UBAC1: variants seen among roughly 807,000 people sequenced by gnomAD.
UBAC1 encodes the protein ubiquitin-associated domain-containing protein 1.
Under a neutral mutation model 45.9 loss-of-function variants are expected in UBAC1, and 27 were observed. That is an observed-to-expected ratio of 0.59 (90% CI 0.43 to 0.81). The LOEUF is 0.81. UBAC1 is among the 30% of genes least tolerant of loss of function. The probability of loss-of-function intolerance (pLI) is 0.00; values close to 1 mark genes in which losing one functional copy is unlikely to be tolerated. For synonymous variants in UBAC1, 227 were observed against 215.5 expected (o/e 1.05, Z -0.47); for missense variants, 529 against 539.2 (o/e 0.98, Z 0.19).
At chr9:135,954,028 A>G (rs1293585997) in intron 2 of UBAC1, 1 of 192,164 alleles carries the variant, frequency 5.2e-6, no homozygotes, top group Non-Finnish European at 1.1e-5. Context: ...AATCCCAGCT[A>G]CTGGGGAGGC....
chr9:135,944,934 A>G (rs1301110967), intron 7 of UBAC1, 94 bp downstream of exon 7: 49 of 1,291,690 alleles, frequency 3.8e-5, no homozygotes, highest in Non-Finnish European at 4.8e-5. Context: ...AGCTCAGCCC[A>G]AGGTCAGCCA....
Position 135,953,710 on chromosome 9 carries a change from G to A in UBAC1, c.303C>T (p.Pro101=), listed in dbSNP as rs771048282. Reference sequence around the variant, plus strand: ...CTTCTGCTGAGACATCAGCCATCTTGGGAAGTGGTGATGGAGCACGCTTTT... The same window carrying A: ...CTTCTGCTGAGACATCAGCCATCTTAGGAAGTGGTGATGGAGCACGCTTTT... The part of the protein sequence containing the change: ...LIKKRAPSPL[P]KMADVSAEEK... The change falls in exon 3 of 10, where the codon CCC becomes CCT. Residue 101 remains proline, a synonymous_variant. Coordinates refer to ENST00000371756, the MANE Select transcript of UBAC1 (RefSeq NM_016172.3). 9 of 1,613,952 alleles carry A rather than the reference G, an allele frequency of 5.6e-6. No homozygotes were observed. In the South Asian group the frequency reaches 6.6e-5, roughly 12 times the overall value.
In UBAC1 at chr9:135,961,195, C is replaced by G; in HGVS notation, c.-33G>C. On this transcript the variant is annotated 5_prime_UTR_variant, in exon 1 of 10. Transcript: ENST00000371756. ...CCGCCGCAGGGGCCTGCGCCCGCCA[C>G]CCGGGCCCCTGAAGGTCACCGGGAA... 1 of 1,489,514 alleles carries G rather than the reference C, an allele frequency of 6.7e-7. No homozygotes were observed. Among genetic ancestry groups the G allele is most frequent in the Non-Finnish European group, 8.9e-7 (1 of 1,127,054 alleles). The allele number at this position is 1,489,514 out of a possible 1,614,324, so 92.3% of individuals were successfully genotyped here. A position where few individuals can be genotyped will look rare whatever the true frequency, so the allele number is the denominator to read the frequency against.
At chr9:135,950,956 G>C (rs1021992770) in intron 3 of UBAC1, among the ~76,000 whole-genome samples, 1 of 152,012 alleles carries the variant, frequency 6.6e-6, no homozygotes, top group African/African-American at 2.4e-5. Flanking sequence ...AGTCAGGTGT[G>C]GTGGCACACA....
chr9:135,955,482 G>A, intron 1 of UBAC1, 67 bp from the exon 2 acceptor site: 3 of 1,401,420 alleles, frequency 2.1e-6, no homozygotes, highest in Non-Finnish European at 2.8e-6. Context: ...ATAGGACCTG[G>A]CATCCCAAGC....
At chr9:135,954,839 C>G (rs1839446960) in intron 2 of UBAC1, among the ~76,000 whole-genome samples, 2 of 152,212 alleles carry the variant, frequency 1.3e-5, no homozygotes, top group Non-Finnish European at 2.9e-5. Context: ...CAGCTTACTT[C>G]AAGGACTTCC....
chr9:135,946,747 G>A (rs1181352628), intron 4 of UBAC1, among the ~76,000 whole-genome samples: 2 of 152,248 alleles, frequency 1.3e-5, no homozygotes, highest in African/African-American at 2.4e-5. Context: ...GAGTCTGCCA[G>A]CCCCCAGTGG....
intron 3 of UBAC1, among the ~76,000 whole-genome samples, chr9:135,950,050 T>C (rs930190704): frequency 6.6e-6 from 1 of 152,186 alleles, no homozygotes; most frequent in Non-Finnish European, 1.5e-5. Context: ...GGAACTGGAC[T>C]CTGCCAACCG....
chr9:135,947,185 C>G (rs1839348430), intron 4 of UBAC1, among the ~76,000 whole-genome samples: 3 of 152,222 alleles, frequency 2.0e-5, no homozygotes, highest in African/African-American at 7.2e-5. Flanking sequence ...CACGTGAGCA[C>G]TGCAAACACT....
In UBAC1 at chr9:135,938,187, C is replaced by G. The variant is rs757909852; in HGVS notation, c.1102+35G>C. On this transcript the variant is annotated intron_variant, in intron 9 of 9. Transcript: ENST00000371756. ...CTGCAAGGGAACCAGCCAGCCTCCC[C>G]GACCCGAGACTTAGCATAAAGAAGG... is the stretch of plus-strand genomic sequence containing the variant. 24 of 1,606,322 alleles carry G rather than the reference C, an allele frequency of 1.5e-5. No homozygotes were observed. The African/African-American group carries it at 1.7e-4, about 12-fold the overall frequency.
chr9:135,939,524 C>T (rs373881678), intron 8 of UBAC1, 149 bp downstream of exon 8: 1 of 712,750 alleles, frequency 1.4e-6, no homozygotes, highest in South Asian at 1.9e-5. Flanking sequence ...ACTCACTCAT[C>T]ACAGCCCCCA....
chr9:135,947,835 T>C lies in UBAC1; in HGVS notation c.404A>G (p.Asn135Ser). The C allele has an allele frequency of 6.2e-7, 1 of 1,614,024 alleles. No individual in the cohort carries two copies. The change falls in exon 4 of 10, where the codon AAC becomes AGC. Residue 135 changes from asparagine to serine, a missense_variant. By Grantham distance (46) the Asn-to-Ser change is conservative (BLOSUM62 1). Transcript: ENST00000371756. ...LRATANLPSY[N>S]MDRAAVQTNM... ...GGTCTGGACCGCGGCCCGGTCCATG[T>C]TGTAGGAGGGCAGGTTGGCGGTGGC... is the stretch of plus-strand genomic sequence containing the variant.
At chr9:135,945,356 G>C (rs1257600917) in intron 6 of UBAC1, 106 bp from the exon 7 acceptor site, 2 of 990,196 alleles carry the variant, frequency 2.0e-6, no homozygotes, top group Admixed American at 6.2e-5. Flanking sequence ...GACTTCTCCA[G>C]CATCAGCTGG....
At chr9:135,948,962 C>A (rs533437467) in intron 3 of UBAC1, among the ~76,000 whole-genome samples, 3 of 151,544 alleles carry the variant, frequency 2.0e-5, no homozygotes, top group Admixed American at 1.3e-4. Flanking sequence ...CCCAGCTACC[C>A]GGGAGGCTGA....
chr9:135,960,539 G>A (rs960825921), intron 1 of UBAC1, among the ~76,000 whole-genome samples: 3 of 152,140 alleles, frequency 2.0e-5, no homozygotes, highest in Admixed American at 6.5e-5. Context: ...AGGAGAAGGG[G>A]CCTCTTCATG....
At position 135,945,026 on chromosome 9, in the gene UBAC1, A is replaced by C; in HGVS notation, c.876+2T>G. Reference sequence around the variant, plus strand: ...CCTGGCGACAGGTCTAGTAACACATACCCGAGCATCAGCCCGAAACTCCCT... The same window carrying C: ...CCTGGCGACAGGTCTAGTAACACATCCCCGAGCATCAGCCCGAAACTCCCT... On this transcript the variant is annotated splice_donor_variant, in intron 7 of 9. Transcript: ENST00000371756. LOFTEE classifies it high-confidence loss of function. The C allele has an allele frequency of 6.2e-7, 1 of 1,612,850 alleles. No individual in the cohort carries two copies. Among genetic ancestry groups the C allele is most frequent in the Non-Finnish European group, 8.5e-7 (1 of 1,179,404 alleles).
chr9:135,942,575 C>T (rs1839282308), intron 7 of UBAC1, among the ~76,000 whole-genome samples: 1 of 151,548 alleles, frequency 6.6e-6, no homozygotes, highest in African/African-American at 2.4e-5. Context: ...TCATTTGAGC[C>T]CAGGAGGTCA....
chr9:135,938,559 G>T (rs1336329808), intron 8 of UBAC1, among the ~76,000 whole-genome samples, 199 bp from the exon 9 acceptor site: 1 of 152,290 alleles, frequency 6.6e-6, no homozygotes, highest in African/African-American at 2.4e-5. Flanking sequence ...CCAGGCCAGA[G>T]AAGGAAGAGC....
At chr9:135,945,403 C>A in intron 6 of UBAC1, 153 bp from the exon 7 acceptor site, 1 of 655,522 alleles carries the variant, frequency 1.5e-6, no homozygotes, top group Non-Finnish European at 2.5e-6. Flanking sequence ...AACACAGGTG[C>A]GACGGAAGCG....
Sources: gnomAD v4.1 joint callset for allele counts (sites outside exome capture counted in the v4.1 genomes callset) on GRCh38, gnomAD v4.1.1 for gene constraint, MANE v1.5 for transcripts, NCBI Gene and HGNC (gene_info 2026-07-23, HGNC 2026-07-21) for gene names.